Variants in DUSP29 observed in about 807,000 individuals in gnomAD.
DUSP29 encodes atypical dual-specific protein phosphatase.
Under a neutral mutation model 13.5 loss-of-function variants are expected in DUSP29, and 12 were observed. The observed-to-expected ratio is 0.89, with a 90% CI of 0.57 to 1.44. The LOEUF is 1.44. Ranked by LOEUF, DUSP29 falls within the 40% of genes most tolerant of loss-of-function variation. The pLI is 0.00. For missense variants in DUSP29, 308 were observed against 301.1 expected (o/e 1.02, Z -0.17); for synonymous variants, 134 against 128.7 (o/e 1.04, Z -0.28).
At chr10:75,062,206 C>T (rs921623365) in intron 1 of DUSP29, among the ~76,000 whole-genome samples, 1 of 152,246 alleles carries the variant, frequency 6.6e-6, no homozygotes, top group African/African-American at 2.4e-5. Flanking sequence ...AGGTGTGAAG[C>T]TCAGCTCGTC....
At chr10:75,065,508 T>C (rs1209980843) in intron 1 of DUSP29, among the ~76,000 whole-genome samples, 2 of 152,084 alleles carry the variant, frequency 1.3e-5, no homozygotes, top group Non-Finnish European at 2.9e-5. Flanking sequence ...TTTGTATTTT[T>C]AGTAAAGACA....
intron 1 of DUSP29, among the ~76,000 whole-genome samples, chr10:75,070,365 T>C (rs1326657077): frequency 1.3e-5 from 2 of 152,126 alleles, no homozygotes; most frequent in Non-Finnish European, 2.9e-5. Context: ...TCTGTATGCT[T>C]CCCTCCCTAG....
intron 2 of DUSP29, among the ~76,000 whole-genome samples, chr10:75,057,279 G>GA (rs970520533): frequency 9.4e-5 from 14 of 148,836 alleles, no homozygotes; most frequent in Non-Finnish European, 1.6e-4. Context: ...AGACTGTCTC[G>GA]AAAAAAAAAG....
chr10:75,062,612 C>T (rs559692472), intron 1 of DUSP29, among the ~76,000 whole-genome samples: 9 of 152,134 alleles, frequency 5.9e-5, no homozygotes, highest in Non-Finnish European at 1.3e-4. Context: ...AGTGTGGAAC[C>T]GTCCAGAAAC....
At chr10:75,060,832 G>A (rs1159535576) in intron 1 of DUSP29, among the ~76,000 whole-genome samples, 4 of 152,170 alleles carry the variant, frequency 2.6e-5, no homozygotes, top group Non-Finnish European at 4.4e-5. Context: ...TCTATCAGCC[G>A]ACTTGCTGGA....
intron 2 of DUSP29, among the ~76,000 whole-genome samples, chr10:75,050,288 CT>C (rs1221585684): frequency 6.6e-6 from 1 of 152,214 alleles, no homozygotes; most frequent in East Asian, 1.9e-4. Context: ...AAACTTAGTG[CT>C]TTCGAGCGTA....
At chr10:75,055,847 G>T (rs1846947198) in intron 2 of DUSP29, among the ~76,000 whole-genome samples, 1 of 152,156 alleles carries the variant, frequency 6.6e-6, no homozygotes, top group Non-Finnish European at 1.5e-5. Context: ...GAAATTGTGG[G>T]TAAATTGTGG....
intron 2 of DUSP29, among the ~76,000 whole-genome samples, chr10:75,046,426 A>G (rs576903847): frequency 2.4e-4 from 36 of 152,360 alleles, no homozygotes; most frequent in Admixed American, 1.2e-3. Context: ...ACCATGTTAG[A>G]TGCTAGCAGG....
intron 3 of DUSP29, among the ~76,000 whole-genome samples, chr10:75,041,537 G>C (rs1027389903): frequency 6.6e-6 from 1 of 152,102 alleles, no homozygotes; most frequent in South Asian, 2.1e-4. Flanking sequence ...ACACCCCTCC[G>C]CTGTACATGC....
At chr10:75,069,950 T>G (rs1287626953) in intron 1 of DUSP29, among the ~76,000 whole-genome samples, 1 of 150,736 alleles carries the variant, frequency 6.6e-6, no homozygotes, top group African/African-American at 2.4e-5. Flanking sequence ...CTAGGGAGGC[T>G]GAGGTATGAG....
chr10:75,063,897 GA>G (rs1337672266), intron 1 of DUSP29, among the ~76,000 whole-genome samples: 15 of 152,064 alleles, frequency 9.9e-5, no homozygotes, highest in Admixed American at 3.9e-4. Flanking sequence ...AAGGAGAAAA[GA>G]AAAAACAAAG....
chr10:75,052,640 C>G (rs889245261), intron 2 of DUSP29, among the ~76,000 whole-genome samples: 6 of 151,832 alleles, frequency 4.0e-5, no homozygotes, highest in Admixed American at 1.3e-4. Flanking sequence ...TTAGTAGAGG[C>G]GGGGTTTTGC....
rs372762628 is a variant in DUSP29, at chr10:75,047,524, CAG to C, written c.201-3509_201-3508del. On this transcript the variant is annotated intron_variant, in intron 2 of 3. Transcript: ENST00000338487. ...TATGTTAAAAAGAGACTAAGAAACA[CAG>C]GGGCATTTTGAGGTGATGGGCATGG... 2.4e-4 allele frequency among the ~76,000 whole-genome samples: 36 copies of C among 152,294 alleles called. No individual in the cohort carries two copies. The South Asian group carries it at 5.8e-3, about 25-fold the overall frequency.
intron 1 of DUSP29, among the ~76,000 whole-genome samples, chr10:75,072,248 A>C (rs1847345796): frequency 6.6e-6 from 1 of 152,164 alleles, no homozygotes; most frequent in African/African-American, 2.4e-5. Context: ...CAGCAAACTA[A>C]AAGAGCACCC....
intron 1 of DUSP29, among the ~76,000 whole-genome samples, chr10:75,061,719 C>T (rs1847092173): frequency 6.6e-6 from 1 of 152,160 alleles, no homozygotes; most frequent in Admixed American, 6.5e-5. Flanking sequence ...AATGCAGCTG[C>T]AGGCTGGGAG....
At chr10:75,058,291 G>A in intron 2 of DUSP29, 24 bp downstream of exon 2, 2 of 1,597,748 alleles carry the variant, frequency 1.3e-6, no homozygotes, top group East Asian at 2.2e-5. Flanking sequence ...CTGCTCCCAA[G>A]CGAGCCTGGG....
At chr10:75,060,468 TAAAAAAA>T (rs56741186) in intron 1 of DUSP29, among the ~76,000 whole-genome samples, 1 of 124,452 alleles carries the variant, frequency 8.0e-6, no homozygotes, top group Admixed American at 7.7e-5. Flanking sequence ...TGAGACCTTA[TAAAAAAA>T]AAAAAAAAAA....
intron 2 of DUSP29, among the ~76,000 whole-genome samples, chr10:75,053,550 G>A (rs1846891238): frequency 6.6e-6 from 1 of 152,224 alleles, no homozygotes; most frequent in South Asian, 2.1e-4. Context: ...CACACAACTG[G>A]TAATTGGCAG....
intron 1 of DUSP29, among the ~76,000 whole-genome samples, chr10:75,069,816 C>A (rs190582058): frequency 6.6e-6 from 1 of 151,522 alleles, no homozygotes; most frequent in African/African-American, 2.4e-5. Context: ...CCAAGGCAGG[C>A]GGATCCCTTG....
Sources: allele counts gnomAD v4.1 joint callset (sites outside exome capture counted in the v4.1 genomes callset), GRCh38; gene constraint gnomAD v4.1.1; transcripts MANE v1.5; gene names NCBI Gene and HGNC (gene_info 2026-07-23, HGNC 2026-07-21).